RAB38: variants seen among roughly 807,000 people sequenced by gnomAD.
The protein encoded by RAB38 is ras-related protein Rab-38.
A neutral mutation model predicts 18.4 loss-of-function variants in RAB38; 15 were observed. That is an observed-to-expected ratio of 0.82 (90% CI 0.55 to 1.26). RAB38 has a LOEUF of 1.26. RAB38 is among the 50% of genes most tolerant of loss of function. The probability of loss-of-function intolerance (pLI) is 0.00; values close to 1 mark genes in which losing one functional copy is unlikely to be tolerated. For missense variants in RAB38, 294 were observed against 267.4 expected, an observed-to-expected ratio of 1.10 and a Z score of -0.69; for synonymous variants, 101 against 104.4, an observed-to-expected ratio of 0.97 and a Z score of 0.20.
chr11:87,852,390 T>A, the RAB38 span, among the ~76,000 whole-genome samples: 1 of 152,176 alleles, frequency 6.6e-6, no homozygotes, highest in Non-Finnish European at 1.5e-5. Context: ...TCATTGTTCT[T>A]CCCGCTTCAC....
At chr11:88,038,170 C>A in the RAB38 span, among the ~76,000 whole-genome samples, 1 of 152,100 alleles carries the variant, frequency 6.6e-6, no homozygotes, top group Non-Finnish European at 1.5e-5. Flanking sequence ...AAGATATTTC[C>A]CTGCAAAAAC....
chr11:88,027,862 T>A, the RAB38 span, among the ~76,000 whole-genome samples: 3 of 151,990 alleles, frequency 2.0e-5, no homozygotes, highest in Admixed American at 6.5e-5. Context: ...TCTGACAGCT[T>A]TGAAGAGAGC....
chr11:87,955,215 C>G, the RAB38 span, among the ~76,000 whole-genome samples: 104 of 152,286 alleles, frequency 6.8e-4, 2 homozygotes, highest in Middle Eastern at 0.014. Context: ...TTATTTTTTC[C>G]TCTTCTTGCT....
chr11:88,133,779 C>T (rs1283866633), intron 2 of RAB38, among the ~76,000 whole-genome samples: 3 of 151,952 alleles, frequency 2.0e-5, no homozygotes, highest in Non-Finnish European at 4.4e-5. Flanking sequence ...AGAAGAATAG[C>T]ATAGAAAAAA....
chr11:88,050,411 T>G, the RAB38 span, among the ~76,000 whole-genome samples: 2 of 152,132 alleles, frequency 1.3e-5, no homozygotes, highest in Non-Finnish European at 2.9e-5. Flanking sequence ...CTTATCTAAG[T>G]CCCTCCCACT....
the RAB38 span, among the ~76,000 whole-genome samples, chr11:87,846,451 G>C: frequency 6.6e-6 from 1 of 152,018 alleles, no homozygotes. Flanking sequence ...TAGTGGCTAT[G>C]CTAATATCAC....
chr11:88,029,982 A>T, the RAB38 span, among the ~76,000 whole-genome samples: 1 of 152,170 alleles, frequency 6.6e-6, no homozygotes, highest in African/African-American at 2.4e-5. Context: ...CATGGAGGTA[A>T]AGCTCTCCTC....
chr11:87,963,226 C>T, the RAB38 span, among the ~76,000 whole-genome samples: 2 of 152,122 alleles, frequency 1.3e-5, no homozygotes, highest in African/African-American at 4.8e-5. Context: ...CATGTTGACA[C>T]ACACCCAAAA....
chr11:87,880,020 C>T, the RAB38 span: 2 of 151,574 alleles, frequency 1.3e-5, no homozygotes, highest in Non-Finnish European at 3.0e-5. Flanking sequence ...AATAGTGGTA[C>T]ATAGTAATAA....
chr11:87,917,428 A>AT, the RAB38 span, among the ~76,000 whole-genome samples: 5,689 of 152,074 alleles, frequency 0.037, 159 homozygotes, highest in South Asian at 0.083. Flanking sequence ...TATGTTCAAA[A>AT]TGTATATAGA....
the RAB38 span, among the ~76,000 whole-genome samples, chr11:87,806,886 T>C: frequency 0.89 from 135,919 of 152,186 alleles, 60,842 homozygotes; most frequent in East Asian, 0.99. Flanking sequence ...TATTCCATTT[T>C]CCCTGATGGC....
At chr11:87,810,894 A>C in the RAB38 span, among the ~76,000 whole-genome samples, 1 of 152,166 alleles carries the variant, frequency 6.6e-6, no homozygotes, top group African/African-American at 2.4e-5. Flanking sequence ...CAGAAGAAAG[A>C]ATTCAGCTGA....
At chr11:87,848,415 C>A in the RAB38 span, among the ~76,000 whole-genome samples, 28 of 152,246 alleles carry the variant, frequency 1.8e-4, 1 homozygote, top group South Asian at 5.6e-3. Context: ...TCCTAAAATA[C>A]TGGAAGTTGA....
At chr11:87,868,540 A>G in the RAB38 span, among the ~76,000 whole-genome samples, 8 of 123,680 alleles carry the variant, frequency 6.5e-5, no homozygotes, top group Non-Finnish European at 1.1e-4. Context: ...TGAAAATGAA[A>G]GGTGATCCAG....
the RAB38 span, among the ~76,000 whole-genome samples, chr11:87,845,710 T>C: frequency 1.3e-5 from 2 of 152,126 alleles, no homozygotes; most frequent in South Asian, 4.2e-4. Context: ...ATCCTAAAAA[T>C]AATAAACTCA....
the RAB38 span, among the ~76,000 whole-genome samples, chr11:88,054,368 T>C: frequency 6.6e-6 from 1 of 152,142 alleles, no homozygotes; most frequent in African/African-American, 2.4e-5. Flanking sequence ...GATGGAAAAA[T>C]AAAACATGTA....
chr11:87,823,473 A>T, the RAB38 span, among the ~76,000 whole-genome samples: 1 of 152,166 alleles, frequency 6.6e-6, no homozygotes, highest in Non-Finnish European at 1.5e-5. Context: ...CATTTTTAAA[A>T]GAAAAAATTT....
At chr11:87,874,800 A>G in the RAB38 span, among the ~76,000 whole-genome samples, 1 of 151,558 alleles carries the variant, frequency 6.6e-6, no homozygotes, top group African/African-American at 2.4e-5. Context: ...AAAGATAAGC[A>G]TTAGTGAAGA....
downstream of RAB38, among the ~76,000 whole-genome samples, chr11:88,108,375 C>A (rs746246980): frequency 1.6e-4 from 25 of 152,050 alleles, no homozygotes; most frequent in Non-Finnish European, 2.8e-4. Context: ...TTATGTAATG[C>A]CCTTCTTTGT....
Sources: allele counts gnomAD v4.1 joint callset (sites outside exome capture counted in the v4.1 genomes callset), GRCh38; gene constraint gnomAD v4.1.1; transcripts MANE v1.5; gene names NCBI Gene and HGNC (gene_info 2026-07-23, HGNC 2026-07-21).